The following TPRG1 variants were observed in gnomAD, a reference collection of about 807,000 sequenced individuals.
The protein encoded by TPRG1 is tumor protein p63-regulated gene 1 protein.
TPRG1 carries 29 observed loss-of-function variants against 29.3 expected under a neutral mutation model. That is an observed-to-expected ratio of 0.99 (90% CI 0.74 to 1.35). The LOEUF is 1.35. Ranked by LOEUF, TPRG1 falls within the 40% of genes most tolerant of loss-of-function variation. The pLI is 0.00. For missense variants in TPRG1, 327 were observed against 335.0 expected (o/e 0.98, Z 0.19); for synonymous variants, 130 against 116.8 (o/e 1.11, Z -0.73).
intron 3 of TPRG1, among the ~76,000 whole-genome samples, chr3:189,133,458 T>C (rs570680196): frequency 3.3e-5 from 5 of 152,230 alleles, no homozygotes; most frequent in African/African-American, 7.2e-5. Context: ...TCCCCTCGTA[T>C]TGAGGGAGGG....
At position 189,263,374 on chromosome 3, in the gene TPRG1, G is replaced by A. The variant is rs766916688; in HGVS notation, c.479+24465G>A. 5.1e-4 allele frequency among the ~76,000 whole-genome samples: 78 copies of A among 152,310 alleles called. 1 individual carries two copies. The highest frequency in any genetic ancestry group is 3.4e-3 in the Middle Eastern group (1 of 294). On this transcript the variant is annotated intron_variant, in intron 4 of 5. Transcript: ENST00000345063. ...AGAACAGAGAGAGCTTGGTGCCTCC[G>A]AGGAACTGTAAATAGGCCAGCACAA...
At chr3:189,260,174 A>T (rs959638723) in intron 4 of TPRG1, among the ~76,000 whole-genome samples, 1 of 152,140 alleles carries the variant, frequency 6.6e-6, no homozygotes, top group Admixed American at 6.5e-5. Flanking sequence ...GGAGGGTTGG[A>T]TAATAGTATC....
intron 4 of TPRG1, among the ~76,000 whole-genome samples, chr3:189,065,132 A>G (rs918353241): frequency 6.6e-6 from 1 of 152,158 alleles, no homozygotes; most frequent in African/African-American, 2.4e-5. Flanking sequence ...AGCTAAAATT[A>G]TGCTAGTACA....
rs546412777 is a variant in TPRG1 at position 189,178,117 on chromosome 3, T to C, written c.-10+5986T>C. 2.6e-5 allele frequency among the ~76,000 whole-genome samples: 4 copies of C among 152,196 alleles called. No individual in the cohort carries two copies. In the East Asian group the frequency reaches 5.8e-4, roughly 22 times the overall value. On this transcript the variant is annotated intron_variant, in intron 1 of 5. Coordinates refer to ENST00000345063, the MANE Select transcript of TPRG1 (RefSeq NM_198485.4). ...ACAATGGGAAGAAAGGAATTGGAGA[T>C]TGTGAATATAGATGTTCCTTTCAAG...
chr3:189,042,027 T>G (rs139381844), intron 4 of TPRG1, among the ~76,000 whole-genome samples: 47 of 152,288 alleles, frequency 3.1e-4, no homozygotes, highest in Non-Finnish European at 1.8e-4. Context: ...AATGCCAATG[T>G]TAGCAGCTTG....
At chr3:189,193,958 G>A (rs184063911) in intron 1 of TPRG1, among the ~76,000 whole-genome samples, 92 of 146,358 alleles carry the variant, frequency 6.3e-4, no homozygotes, top group African/African-American at 2.2e-3. Flanking sequence ...ATAATTTGTT[G>A]GTGACATCAT....
intron 4 of TPRG1, among the ~76,000 whole-genome samples, chr3:189,273,553 C>T (rs111633990): frequency 5.3e-5 from 8 of 152,234 alleles, no homozygotes; most frequent in South Asian, 4.1e-4. Context: ...ATTGTCCCTA[C>T]GTAACATTGG....
intron 4 of TPRG1, among the ~76,000 whole-genome samples, chr3:189,264,104 C>T (rs1642340466): frequency 6.6e-6 from 1 of 152,192 alleles, no homozygotes; most frequent in Admixed American, 6.5e-5. Context: ...TCCCAATTCT[C>T]CCTCCAATTT....
chr3:189,244,128 A>T (rs1309991692), intron 4 of TPRG1, among the ~76,000 whole-genome samples: 1 of 152,124 alleles, frequency 6.6e-6, no homozygotes, highest in Non-Finnish European at 1.5e-5. Flanking sequence ...CGACTGGGTA[A>T]TTTATTAAAA....
At chr3:189,295,049 C>A (rs1313182776) in intron 4 of TPRG1, among the ~76,000 whole-genome samples, 3 of 152,324 alleles carry the variant, frequency 2.0e-5, no homozygotes, top group South Asian at 2.1e-4. Flanking sequence ...CACATTCACG[C>A]CTTTGTTTTA....
chr3:189,233,735 C>A (rs897675481), intron 3 of TPRG1, among the ~76,000 whole-genome samples: 9 of 152,082 alleles, frequency 5.9e-5, no homozygotes, highest in Admixed American at 3.9e-4. Context: ...AAAAATAAAG[C>A]ACTGATTCTA....
chr3:189,073,267 T>A (rs1716913998), intron 4 of TPRG1, among the ~76,000 whole-genome samples: 1 of 152,220 alleles, frequency 6.6e-6, no homozygotes, highest in South Asian at 2.1e-4. Flanking sequence ...CCATTCTGTA[T>A]GTGTATTTCT....
intron 4 of TPRG1, among the ~76,000 whole-genome samples, chr3:189,292,940 G>A (rs889546708): frequency 6.6e-6 from 1 of 152,154 alleles, no homozygotes; most frequent in Non-Finnish European, 1.5e-5. Context: ...GTATTGGGCT[G>A]CTTTCTGAGA....
At chr3:189,018,872 G>A (rs1270114999) in intron 3 of TPRG1, among the ~76,000 whole-genome samples, 3 of 149,234 alleles carry the variant, frequency 2.0e-5, no homozygotes, top group Non-Finnish European at 4.5e-5. Context: ...AGCATGGAAT[G>A]TTCTTCCATT....
At chr3:189,002,872 C>G (rs2152121519) in intron 2 of TPRG1, among the ~76,000 whole-genome samples, 1 of 152,152 alleles carries the variant, frequency 6.6e-6, no homozygotes, top group South Asian at 2.1e-4. Context: ...CTGTCAGCAC[C>G]TTACTTATTT....
intron 1 of TPRG1, among the ~76,000 whole-genome samples, chr3:189,204,947 T>TCTCA (rs766857963): frequency 1.9e-4 from 28 of 147,176 alleles, no homozygotes; most frequent in African/African-American, 6.0e-4. Context: ...TCTCTCTCTC[T>TCTCA]CACACACACA....
intron 4 of TPRG1, among the ~76,000 whole-genome samples, chr3:189,283,743 A>G (rs1024371639): frequency 1.4e-4 from 21 of 152,188 alleles, no homozygotes; most frequent in Non-Finnish European, 2.2e-4. Context: ...AATCTTTACG[A>G]TAATCCGGAA....
intron 4 of TPRG1, among the ~76,000 whole-genome samples, chr3:189,150,230 T>C (rs1220619218): frequency 6.6e-6 from 1 of 152,222 alleles, no homozygotes; most frequent in African/African-American, 2.4e-5. Context: ...TCGCCCAACC[T>C]GGAGTGCAGT....
intron 1 of TPRG1, among the ~76,000 whole-genome samples, chr3:189,114,433 C>G (rs983578321): frequency 6.6e-6 from 1 of 152,182 alleles, no homozygotes; most frequent in Non-Finnish European, 1.5e-5. Context: ...CAGGCACACA[C>G]CACCATGCCT....
Sources: allele counts gnomAD v4.1 joint callset (sites outside exome capture counted in the v4.1 genomes callset), GRCh38; gene constraint gnomAD v4.1.1; transcripts MANE v1.5; gene names NCBI Gene and HGNC (gene_info 2026-07-23, HGNC 2026-07-21).